The following DOK6 variants were observed in gnomAD, a reference collection of about 807,000 sequenced individuals.
DOK6 encodes docking protein 6.
A neutral mutation model predicts 44.0 loss-of-function variants in DOK6; 22 were observed. The ratio of observed to expected loss-of-function variants is 0.50; its 90% CI spans 0.36 to 0.71. The LOEUF (loss-of-function observed/expected upper bound fraction) is 0.71, where lower values mean the gene tolerates loss of function less well. Ranked by LOEUF, DOK6 falls within the 30% of genes least tolerant of loss-of-function variation. The probability of loss-of-function intolerance (pLI) is 0.00; values close to 1 mark genes in which losing one functional copy is unlikely to be tolerated. For missense variants in DOK6, 340 were observed against 416.4 expected, an observed-to-expected ratio of 0.82 and a Z score of 1.60; for synonymous variants, 166 against 145.5, an observed-to-expected ratio of 1.14 and a Z score of -1.01.
chr18:69,537,072 G>A (rs1442666), intron 1 of DOK6, among the ~76,000 whole-genome samples: 30,382 of 151,394 alleles, frequency 0.2, 3,699 homozygotes, highest in Middle Eastern at 0.33. Flanking sequence ...CTGGCCTCAA[G>A]CAGTCCTCCC....
intron 1 of DOK6, among the ~76,000 whole-genome samples, chr18:69,529,488 T>A (rs1415507301): frequency 6.6e-6 from 1 of 152,232 alleles, no homozygotes. Context: ...GTTTATTTAG[T>A]GCACTGTGCC....
intron 3 of DOK6, among the ~76,000 whole-genome samples, chr18:69,653,057 T>C (rs1410768661): frequency 1.3e-5 from 2 of 152,154 alleles, no homozygotes; most frequent in African/African-American, 4.8e-5. Flanking sequence ...AAAACATGGG[T>C]AAATAGTGGA....
Position 69,644,965 on chromosome 18 carries a change from T to C in DOK6, c.290-32769T>C, listed in dbSNP as rs565612086. Reference sequence around the variant, plus strand: ...AATATTAAAATAGATGTTTTAACTTTTTATTTAGAAATAATTACAGATTCA... The same window carrying C: ...AATATTAAAATAGATGTTTTAACTTCTTATTTAGAAATAATTACAGATTCA... On this transcript the variant is annotated intron_variant, in intron 3 of 7. Transcript: ENST00000382713. 2.6e-4 allele frequency among the ~76,000 whole-genome samples: 40 copies of C among 152,374 alleles called. 1 individual carries two copies. The highest frequency in any genetic ancestry group is 9.1e-4 in the Admixed American group (14 of 15,304).
chr18:69,757,630 G>A (rs888081761), intron 6 of DOK6, 126 bp from the exon 7 acceptor site: 26 of 713,548 alleles, frequency 3.6e-5, no homozygotes, highest in East Asian at 1.2e-4. Flanking sequence ...TCCTTACACC[G>A]GGGATCATGC....
intron 2 of DOK6, among the ~76,000 whole-genome samples, chr18:69,579,174 T>C (rs992927868): frequency 4.6e-5 from 7 of 152,218 alleles, no homozygotes; most frequent in Non-Finnish European, 2.9e-5. Context: ...TAAACTGATC[T>C]CCTGAAGAAA....
intron 6 of DOK6, among the ~76,000 whole-genome samples, chr18:69,741,740 A>G (rs1409070295): frequency 6.6e-6 from 1 of 152,108 alleles, no homozygotes; most frequent in Non-Finnish European, 1.5e-5. Flanking sequence ...CAAGCAGTCC[A>G]ACTTCCTTGG....
At chr18:69,657,664 C>T (rs776495507) in intron 3 of DOK6, among the ~76,000 whole-genome samples, 1 of 152,096 alleles carries the variant, frequency 6.6e-6, no homozygotes, top group Non-Finnish European at 1.5e-5. Flanking sequence ...CCTTATACAC[C>T]TAACAAAATA....
At chr18:69,401,919 A>C (rs984203100) in intron 1 of DOK6, among the ~76,000 whole-genome samples, 11 of 152,166 alleles carry the variant, frequency 7.2e-5, no homozygotes, top group Non-Finnish European at 1.6e-4. Flanking sequence ...GCCCGCGGTC[A>C]CTGCTCCGTG....
At chr18:69,717,664 G>A (rs929828826) in intron 5 of DOK6, among the ~76,000 whole-genome samples, 2 of 152,210 alleles carry the variant, frequency 1.3e-5, no homozygotes, top group African/African-American at 4.8e-5. Flanking sequence ...AAAGTAAGCA[G>A]GTTAGGATTC....
intron 1 of DOK6, among the ~76,000 whole-genome samples, chr18:69,538,491 T>A (rs1182707609): frequency 6.6e-6 from 1 of 151,984 alleles, no homozygotes; most frequent in Non-Finnish European, 1.5e-5. Flanking sequence ...CAAGCGATCC[T>A]CTACCTCAGC....
chr18:69,775,156 C>T (rs902844062), intron 7 of DOK6, among the ~76,000 whole-genome samples: 1 of 151,896 alleles, frequency 6.6e-6, no homozygotes, highest in African/African-American at 2.4e-5. Flanking sequence ...TAACTAAAAA[C>T]TCTATCACCA....
intron 2 of DOK6, among the ~76,000 whole-genome samples, chr18:69,576,298 G>T (rs1436905302): frequency 6.6e-6 from 1 of 152,018 alleles, no homozygotes; most frequent in African/African-American, 2.4e-5. Flanking sequence ...TTCTATTTGT[G>T]AGTGTTTAAA....
intron 7 of DOK6, among the ~76,000 whole-genome samples, chr18:69,797,206 T>G (rs1016838405): frequency 1.3e-5 from 2 of 152,112 alleles, no homozygotes; most frequent in Non-Finnish European, 1.5e-5. Flanking sequence ...GATTTTAAAT[T>G]TAATTATGTG....
chr18:69,559,041 C>T (rs1007805341), intron 1 of DOK6, among the ~76,000 whole-genome samples: 1 of 152,018 alleles, frequency 6.6e-6, no homozygotes. Context: ...TACATAGAAT[C>T]TTTAAAAATC....
rs150401872 is a variant in DOK6, at chr18:69,515,782, A to G, written c.67-48705A>G. Among the ~76,000 whole-genome samples, 74 of 152,346 alleles carry G rather than the reference A, an allele frequency of 4.9e-4. 2 individuals are homozygous for G. In the East Asian group the frequency reaches 0.012, roughly 24 times the overall value. On this transcript the variant is annotated intron_variant, in intron 1 of 7. Transcript: ENST00000382713. ...GAGGGGGAAAAATAAGTTGTGTAACACTAACTTCATAGAATAACAATATAT... is the reference window on the plus strand; with the variant it reads ...GAGGGGGAAAAATAAGTTGTGTAACGCTAACTTCATAGAATAACAATATAT...
intron 7 of DOK6, among the ~76,000 whole-genome samples, chr18:69,822,650 A>C (rs1399042790): frequency 1.3e-5 from 2 of 152,204 alleles, no homozygotes; most frequent in African/African-American, 4.8e-5. Context: ...TTGCAGGCGT[A>C]TGTTTCTTGA....
chr18:69,730,363 A>G (rs1232136286), intron 5 of DOK6, among the ~76,000 whole-genome samples: 2 of 152,238 alleles, frequency 1.3e-5, no homozygotes, highest in Non-Finnish European at 2.9e-5. Context: ...TAGAAGTACT[A>G]TAATACAGAT....
intron 1 of DOK6, among the ~76,000 whole-genome samples, chr18:69,465,755 C>T (rs945926454): frequency 7.9e-5 from 12 of 151,758 alleles, no homozygotes; most frequent in South Asian, 4.2e-4. Flanking sequence ...TGAATAGTGC[C>T]GCAATAAACA....
chr18:69,776,589 A>G (rs1393688979), intron 7 of DOK6, among the ~76,000 whole-genome samples: 1 of 152,098 alleles, frequency 6.6e-6, no homozygotes, highest in Non-Finnish European at 1.5e-5. Flanking sequence ...TCAACCTTGT[A>G]GGTTAGATGA....
Sources: allele counts gnomAD v4.1 joint callset (sites outside exome capture counted in the v4.1 genomes callset), GRCh38; gene constraint gnomAD v4.1.1; transcripts MANE v1.5; gene names NCBI Gene and HGNC (gene_info 2026-07-23, HGNC 2026-07-21).